The following DMD variants were observed in gnomAD, a reference collection of about 807,000 sequenced individuals.
The protein encoded by DMD is dystrophin, also known as mutant dystrophin.
Under a neutral mutation model 330.1 loss-of-function variants are expected in DMD, and 63 were observed. The observed-to-expected ratio is 0.19, with a 90% CI of 0.16 to 0.24. DMD has a LOEUF of 0.24. DMD is among the 10% of genes least tolerant of loss of function. The pLI, the probability that DMD is intolerant of heterozygous loss-of-function variation, is 1.00. For synonymous variants in DMD, 1,223 were observed against 959.8 expected (o/e 1.27, Z -5.07); for missense variants, 3,344 against 2,684.1 (o/e 1.25, Z -5.43).
intron 7 of DMD, among the ~76,000 whole-genome samples, chrX:32,747,749 G>T (rs994894868): frequency 7.2e-5 from 8 of 110,564 alleles, no homozygotes; most frequent in African/African-American, 2.0e-4. Flanking sequence ...AAAGTGCTGG[G>T]ACTACAGGTG....
intron 1 of DMD, among the ~76,000 whole-genome samples, chrX:33,024,908 T>TA (rs2093969721): frequency 8.9e-6 from 1 of 111,816 alleles, no homozygotes; most frequent in Non-Finnish European, 1.9e-5. Flanking sequence ...TGACAGGATA[T>TA]AATGAGATCA....
chrX:31,143,494 GTGTGAAAACAGA>G (rs2036330599), intron 76 of DMD, among the ~76,000 whole-genome samples: 1 of 111,841 alleles, frequency 8.9e-6, no homozygotes, highest in African/African-American at 3.3e-5. Flanking sequence ...CTTTATAGCA[GTGTGAAAACAGA>G]TTAATACACA....
intron 32 of DMD, among the ~76,000 whole-genome samples, chrX:32,387,964 T>G (rs1327994483): frequency 1.8e-5 from 2 of 111,886 alleles, no homozygotes; most frequent in Admixed American, 9.5e-5. Context: ...TATATTTGTG[T>G]TCATGAAAGT....
chrX:33,045,095 G>A (rs2094359014), intron 1 of DMD, among the ~76,000 whole-genome samples: 1 of 110,981 alleles, frequency 9.0e-6, no homozygotes, highest in African/African-American at 3.3e-5. Flanking sequence ...AAGGGAATGT[G>A]AGGAAGGGAA....
intron 1 of DMD, among the ~76,000 whole-genome samples, chrX:33,090,359 T>C (rs181413148): frequency 9.2e-6 from 1 of 108,718 alleles, no homozygotes; most frequent in Admixed American, 1.0e-4. Context: ...TATTATTCTA[T>C]TCTATACTAT....
chrX:32,209,056 T>C (rs1404770056), intron 44 of DMD, among the ~76,000 whole-genome samples: 1 of 112,084 alleles, frequency 8.9e-6, no homozygotes, highest in Non-Finnish European at 1.9e-5. Context: ...TTTCAATATA[T>C]GAATCAATTT....
intron 9 of DMD, among the ~76,000 whole-genome samples, chrX:32,649,836 T>A (rs1278923399): frequency 9.0e-6 from 1 of 110,999 alleles, no homozygotes. Flanking sequence ...ATTTAACCTC[T>A]CTGCATCTCA....
intron 1 of DMD, among the ~76,000 whole-genome samples, chrX:33,263,386 A>C (rs1253791659): frequency 1.8e-5 from 2 of 108,974 alleles, no homozygotes; most frequent in South Asian, 3.8e-4. Flanking sequence ...ATCAACATGC[A>C]TCATTTTAGA....
At chrX:31,343,741 C>A (rs1489418156) in intron 61 of DMD, among the ~76,000 whole-genome samples, 1 of 109,150 alleles carries the variant, frequency 9.2e-6, no homozygotes, top group African/African-American at 3.3e-5. Flanking sequence ...CCTTATTTTT[C>A]TTTTCTTTGT....
At chrX:32,455,320 A>G (rs2098352548) in intron 25 of DMD, among the ~76,000 whole-genome samples, 1 of 111,658 alleles carries the variant, frequency 9.0e-6, no homozygotes, top group African/African-American at 3.2e-5. Flanking sequence ...GGCAATTCAC[A>G]AAGAAGATAA....
At chrX:33,287,088 G>C (rs1036643524) in intron 1 of DMD, among the ~76,000 whole-genome samples, 3 of 111,514 alleles carry the variant, frequency 2.7e-5, no homozygotes, top group Admixed American at 1.9e-4. Context: ...TTGTGTTAAG[G>C]CACTGAAATT....
At chrX:32,969,273 C>G (rs1302493503) in intron 2 of DMD, among the ~76,000 whole-genome samples, 1 of 67,729 alleles carries the variant, frequency 1.5e-5, no homozygotes, top group African/African-American at 9.3e-5. Context: ...TACACACACA[C>G]AGTTTATCAA....
chrX:33,106,054 C>CACACACACACA (rs10624675), intron 1 of DMD, among the ~76,000 whole-genome samples: 12 of 89,441 alleles, frequency 1.3e-4, no homozygotes, highest in South Asian at 9.2e-4. Flanking sequence ...GATACACACA[C>CACACACACACA]CACACACACA....
chrX:32,294,683 T>C (rs2097488208), intron 42 of DMD, among the ~76,000 whole-genome samples: 1 of 111,484 alleles, frequency 9.0e-6, no homozygotes, highest in Non-Finnish European at 1.9e-5. Flanking sequence ...AATAGCTCCT[T>C]GGTGCATTCT....
At chrX:31,471,453 C>T (rs1179529145) in intron 59 of DMD, among the ~76,000 whole-genome samples, 3 of 111,841 alleles carry the variant, frequency 2.7e-5, no homozygotes, top group Non-Finnish European at 5.6e-5. Context: ...TCCCACCGTG[C>T]TTCTGCGCCC....
intron 9 of DMD, among the ~76,000 whole-genome samples, chrX:32,675,465 T>C (rs1227607996): frequency 8.9e-6 from 1 of 111,932 alleles, no homozygotes; most frequent in Non-Finnish European, 1.9e-5. Flanking sequence ...ACCTTTATTT[T>C]AAACCTGCCT....
chrX:32,517,357 C>A (rs1381970294), intron 18 of DMD: 1 of 111,890 alleles, frequency 8.9e-6, no homozygotes, highest in Non-Finnish European at 1.9e-5. Context: ...GACAATTTCC[C>A]TAAAGATGAA....
chrX:32,506,077 G>A (rs754836996), intron 18 of DMD, among the ~76,000 whole-genome samples: 2 of 111,874 alleles, frequency 1.8e-5, no homozygotes, highest in Non-Finnish European at 3.8e-5. Context: ...AAATTACACC[G>A]CATAACACTC....
In DMD at chrX:31,220,417, G is replaced by A. The variant is rs757109223; in HGVS notation, c.9361+2630C>T. On this transcript the variant is annotated intron_variant, in intron 64 of 78. Transcript: ENST00000357033. ...GGACCTTCCTGTTGCTAAGTCCAAT[G>A]GGCATTTTCCGCAACTTTATGCTGA... Among the ~76,000 whole-genome samples the A allele has an allele frequency of 3.6e-5, 4 of 111,674 alleles. No individual in the cohort carries two copies. The East Asian group carries it at 1.1e-3, about 31-fold the overall frequency.
Sources: gnomAD v4.1 joint callset for allele counts (sites outside exome capture counted in the v4.1 genomes callset) on GRCh38, gnomAD v4.1.1 for gene constraint, MANE v1.5 for transcripts, NCBI Gene and HGNC (gene_info 2026-07-23, HGNC 2026-07-21) for gene names.